COL27A1: variants seen among roughly 807,000 people sequenced by gnomAD.
COL27A1 encodes the protein collagen alpha-1(XXVII) chain.
In COL27A1, 106 loss-of-function variants were observed where a neutral mutation model predicts 251.3. The observed-to-expected ratio is 0.42, with a 90% CI of 0.36 to 0.50. The LOEUF (loss-of-function observed/expected upper bound fraction) is 0.50, where lower values mean the gene tolerates loss of function less well. COL27A1 is among the 20% of genes least tolerant of loss of function. COL27A1 has a pLI of 0.00. For missense variants in COL27A1, 2,325 were observed against 2,522.8 expected, an observed-to-expected ratio of 0.92 and a Z score of 1.68; for synonymous variants, 1,000 against 986.3, an observed-to-expected ratio of 1.01 and a Z score of -0.26.
chr9:114,256,884 C>T (rs1211544193), intron 27 of COL27A1, among the ~76,000 whole-genome samples: 1 of 152,214 alleles, frequency 6.6e-6, no homozygotes, highest in Non-Finnish European at 1.5e-5. Context: ...CGAAATTTCC[C>T]AGCGGTGCAT....
chr9:114,289,023 T>G (rs1476678365), intron 44 of COL27A1, 56 bp downstream of exon 44: 3 of 1,597,936 alleles, frequency 1.9e-6, no homozygotes, highest in Non-Finnish European at 2.6e-6. Context: ...GGCGGAGCAG[T>G]GGGAATTAAA....
intron 35 of COL27A1, 112 bp from the exon 36 acceptor site, chr9:114,270,616 C>T: frequency 1.3e-6 from 1 of 778,498 alleles, no homozygotes; most frequent in South Asian, 1.7e-5. Flanking sequence ...GGTCCCACTG[C>T]CTGGAGATCC....
intron 27 of COL27A1, among the ~76,000 whole-genome samples, chr9:114,253,224 C>CA (rs140151119): frequency 0.033 from 4,993 of 151,324 alleles, 296 homozygotes; most frequent in African/African-American, 0.12. Context: ...CGTGCCACTG[C>CA]ACTCTGCCTG....
chr9:114,258,316 T>C (rs1479156444), intron 27 of COL27A1, among the ~76,000 whole-genome samples: 2 of 152,184 alleles, frequency 1.3e-5, no homozygotes, highest in Non-Finnish European at 2.9e-5. Flanking sequence ...CATCCCCCTA[T>C]AGCCCAGGGC....
chr9:114,217,906 G>A (rs970893854), intron 12 of COL27A1: 1 of 453,242 alleles, frequency 2.2e-6, no homozygotes, highest in South Asian at 1.6e-5. Context: ...TTGAGCCCAG[G>A]AGTTCGAGAC....
intron 4 of COL27A1, 34 bp downstream of exon 4, chr9:114,178,378 G>C: frequency 1.2e-6 from 2 of 1,606,320 alleles, no homozygotes; most frequent in African/African-American, 1.3e-5. Context: ...TGGAACTCTT[G>C]GTGGCTCTTT....
rs1365333945 is a variant in COL27A1 at position 114,311,284 on chromosome 9, C to T, written c.*589C>T. The T allele has an allele frequency of 6.6e-6, 1 of 151,612 alleles. No individual in the cohort carries two copies. Among genetic ancestry groups the T allele is most frequent in the African/African-American group, 2.4e-5 (1 of 41,202 alleles). 9.4% of individuals were successfully genotyped at this position (151,612 alleles called of 1,614,324 possible). On this transcript the variant is annotated 3_prime_UTR_variant, in exon 61 of 61. Transcript: ENST00000356083. ...CTGGGGGTGCCCACGTTTGCTACCT[C>T]CCACTGTGAAATCGCTGGTGCTCAC...
intron 41 of COL27A1, among the ~76,000 whole-genome samples, chr9:114,287,368 G>A (rs925617710): frequency 6.6e-6 from 1 of 152,168 alleles, no homozygotes; most frequent in Admixed American, 6.5e-5. Context: ...AGTCTTCTGA[G>A]CCCTGAGATT....
chr9:114,206,167 C>T, intron 9 of COL27A1, 85 bp from the exon 10 acceptor site: 1 of 1,310,828 alleles, frequency 7.6e-7, no homozygotes, highest in Non-Finnish European at 1.1e-6. Flanking sequence ...GCAGCAGAGG[C>T]CCCAAAGAGG....
At chr9:114,225,515 C>A (rs1448625190) in intron 14 of COL27A1, among the ~76,000 whole-genome samples, 1 of 152,210 alleles carries the variant, frequency 6.6e-6, no homozygotes, top group African/African-American at 2.4e-5. Flanking sequence ...GCTCCCTGAG[C>A]AAATGCCTCC....
At chr9:114,157,984 G>T (rs1028172166) in intron 1 of COL27A1, among the ~76,000 whole-genome samples, 2 of 152,226 alleles carry the variant, frequency 1.3e-5, no homozygotes, top group African/African-American at 4.8e-5. Context: ...TTGAATGGGT[G>T]TGTGAGTCAA....
Position 114,193,032 on chromosome 9 carries a change from C to T in COL27A1, c.2017-1372C>T, listed in dbSNP as rs1025272108. ...GTGTGTGTGCACGTGTATGTGTGTG[C>T]GCATGTGTGGTCCCCACTTTAAAGG... On this transcript the variant is annotated intron_variant, in intron 5 of 60. Coordinates refer to ENST00000356083, the MANE Select transcript of COL27A1 (RefSeq NM_032888.4). 4.6e-5 allele frequency among the ~76,000 whole-genome samples: 7 copies of T among 152,146 alleles called. No homozygotes were observed. The East Asian group carries it at 5.8e-4, about 13-fold the overall frequency.
At chr9:114,158,661 A>G (rs1848289219) in intron 1 of COL27A1, among the ~76,000 whole-genome samples, 1 of 152,214 alleles carries the variant, frequency 6.6e-6, no homozygotes, top group South Asian at 2.1e-4. Context: ...ACTAACCATG[A>G]TTAGCAGTAG....
chr9:114,236,397 G>T (rs1832402203), intron 17 of COL27A1, among the ~76,000 whole-genome samples: 1 of 152,200 alleles, frequency 6.6e-6, no homozygotes, highest in South Asian at 2.1e-4. Context: ...AAGGTTGAGG[G>T]AGTAACTGGC....
intron 51 of COL27A1, 57 bp downstream of exon 51, chr9:114,300,744 C>A: frequency 7.2e-7 from 1 of 1,388,816 alleles, no homozygotes; most frequent in Non-Finnish European, 9.6e-7. Flanking sequence ...CAAGGTTGGC[C>A]AGCCATCAGC....
At chr9:114,269,086 G>C (rs1834942244) in intron 34 of COL27A1, 155 bp from the exon 35 acceptor site, 1 of 568,220 alleles carries the variant, frequency 1.8e-6, no homozygotes, top group African/African-American at 1.9e-5. Context: ...GCTCTGGTTG[G>C]TGTTTTACGA....
chr9:114,219,094 C>T (rs1017147050), intron 12 of COL27A1, among the ~76,000 whole-genome samples: 7 of 152,166 alleles, frequency 4.6e-5, no homozygotes, highest in Admixed American at 2.0e-4. Flanking sequence ...CCCCGGCCCC[C>T]GAAGGCGTCC....
At chr9:114,299,203 G>A (rs889366591) in intron 49 of COL27A1, among the ~76,000 whole-genome samples, 3 of 152,196 alleles carry the variant, frequency 2.0e-5, no homozygotes, top group African/African-American at 7.2e-5. Flanking sequence ...CCCCTTGGGA[G>A]GGAGATGACG....
intron 15 of COL27A1, 136 bp from the exon 16 acceptor site, chr9:114,231,686 G>GC: frequency 1.2e-6 from 1 of 832,950 alleles, no homozygotes; most frequent in Non-Finnish European, 2.0e-6. Context: ...GGAGTCATTT[G>GC]CCCCCTTTTA....
Sources: gnomAD v4.1 joint callset for allele counts (sites outside exome capture counted in the v4.1 genomes callset) on GRCh38, gnomAD v4.1.1 for gene constraint, MANE v1.5 for transcripts, NCBI Gene and HGNC (gene_info 2026-07-23, HGNC 2026-07-21) for gene names.